ATP10A: variants seen among roughly 807,000 people sequenced by gnomAD.
The protein encoded by ATP10A is phospholipid-transporting ATPase VA.
In ATP10A, 111 loss-of-function variants were observed where a neutral mutation model predicts 147.8. The observed-to-expected ratio is 0.75, with a 90% confidence interval of 0.64 to 0.88. ATP10A has a LOEUF of 0.88. ATP10A is among the 40% of genes least tolerant of loss of function. ATP10A has a pLI of 0.00. For missense variants in ATP10A, 1,927 were observed against 1,959.0 expected, an observed-to-expected ratio of 0.98 and a Z score of 0.31; for synonymous variants, 875 against 841.6, an observed-to-expected ratio of 1.04 and a Z score of -0.69.
chr15:25,761,268 C>T (rs1371427782), intron 2 of ATP10A, among the ~76,000 whole-genome samples: 3 of 152,220 alleles, frequency 2.0e-5, no homozygotes, highest in Non-Finnish European at 4.4e-5. Flanking sequence ...TCCGGGGCCA[C>T]TCTCAGTACC....
At chr15:25,859,676 A>G (rs956374728) in intron 1 of ATP10A, among the ~76,000 whole-genome samples, 1 of 152,044 alleles carries the variant, frequency 6.6e-6, no homozygotes, top group Non-Finnish European at 1.5e-5. Flanking sequence ...ATGGGTTCAG[A>G]AGGAGGAAAC....
At chr15:25,698,231 A>G (rs143885682) in intron 13 of ATP10A, among the ~76,000 whole-genome samples, 1 of 152,356 alleles carries the variant, frequency 6.6e-6, no homozygotes, top group Non-Finnish European at 1.5e-5. Context: ...TATGTATGGC[A>G]TACATGAGAA....
At chr15:25,794,095 G>A (rs1168334883) in intron 1 of ATP10A, among the ~76,000 whole-genome samples, 2 of 152,226 alleles carry the variant, frequency 1.3e-5, no homozygotes, top group Non-Finnish European at 2.9e-5. Context: ...AGGCTTCACT[G>A]ATTATAAGGT....
At chr15:25,747,488 A>C (rs188234709) in intron 2 of ATP10A, among the ~76,000 whole-genome samples, 1 of 151,998 alleles carries the variant, frequency 6.6e-6, no homozygotes, top group East Asian at 1.9e-4. Context: ...AAATAAAAAT[A>C]ACTAATTAAA....
intron 16 of ATP10A, 119 bp from the exon 17 acceptor site, chr15:25,683,605 C>A: frequency 3.1e-6 from 3 of 974,566 alleles, no homozygotes; most frequent in Non-Finnish European, 4.6e-6. Context: ...GTATTGGCAG[C>A]GATTTCTGCC....
intron 2 of ATP10A, among the ~76,000 whole-genome samples, chr15:25,741,322 G>A (rs894168872): frequency 6.6e-6 from 1 of 152,112 alleles, no homozygotes; most frequent in Non-Finnish European, 1.5e-5. Flanking sequence ...CTGGGCTCTT[G>A]GGGACCTAGA....
chr15:25,710,360 C>G (rs1187445292), intron 10 of ATP10A: 2 of 152,504 alleles, frequency 1.3e-5, no homozygotes, highest in Non-Finnish European at 2.9e-5. Context: ...GGGGCAGGAG[C>G]AGGAGGCTAA....
intron 2 of ATP10A, among the ~76,000 whole-genome samples, chr15:25,760,188 C>G (rs1888683372): frequency 2.0e-5 from 3 of 152,108 alleles, no homozygotes; most frequent in African/African-American, 7.2e-5. Flanking sequence ...AGCCCTGGAA[C>G]TTCTAAAAGG....
At chr15:25,833,744 G>T (rs1156596123) in intron 1 of ATP10A, among the ~76,000 whole-genome samples, 2 of 152,222 alleles carry the variant, frequency 1.3e-5, no homozygotes, top group African/African-American at 4.8e-5. Context: ...ACTTTGGGAG[G>T]CTGAGGCGGA....
Position 25,801,780 on chromosome 15 carries a change from A to G in ATP10A, c.450-20557T>C, listed in dbSNP as rs28361391. Among the ~76,000 whole-genome samples, 973 of 152,282 alleles carry G rather than the reference A, an allele frequency of 6.4e-3. 12 individuals carry two copies. Among genetic ancestry groups the G allele is most frequent in the African/African-American group, 0.022 (932 of 41,552 alleles). On this transcript the variant is annotated intron_variant, in intron 1 of 20. Coordinates refer to ENST00000555815, the MANE Select transcript of ATP10A (RefSeq NM_024490.4). Reference sequence around the variant, plus strand: ...ATGGCATCACAGCCCACCTGCTGGAAGGCCCCCGTGCCAGTCTCTGAACCC... The same window carrying G: ...ATGGCATCACAGCCCACCTGCTGGAGGGCCCCCGTGCCAGTCTCTGAACCC...
intron 2 of ATP10A, among the ~76,000 whole-genome samples, chr15:25,780,008 T>C (rs1889828190): frequency 6.6e-6 from 1 of 151,932 alleles, no homozygotes; most frequent in Admixed American, 6.6e-5. Flanking sequence ...GTCAGGCATC[T>C]CCCCCTGTGA....
intron 2 of ATP10A, among the ~76,000 whole-genome samples, chr15:25,754,127 T>C (rs1311782709): frequency 6.6e-6 from 1 of 152,046 alleles, no homozygotes; most frequent in African/African-American, 2.4e-5. Flanking sequence ...TTTGTTTGTT[T>C]GTTTTTGGTT....
At chr15:25,748,866 C>T (rs1307387320) in intron 2 of ATP10A, among the ~76,000 whole-genome samples, 5 of 151,274 alleles carry the variant, frequency 3.3e-5, no homozygotes, top group African/African-American at 1.2e-4. Context: ...AACAGCCTGG[C>T]CAACATGGTG....
intron 12 of ATP10A, among the ~76,000 whole-genome samples, chr15:25,704,050 G>A (rs537295803): frequency 6.0e-4 from 91 of 152,334 alleles, no homozygotes; most frequent in Admixed American, 5.9e-4. Context: ...CCCGGGCACC[G>A]GGAGGGCATC....
downstream of ATP10A, among the ~76,000 whole-genome samples, chr15:25,674,692 T>C (rs1243843529): frequency 6.6e-6 from 1 of 152,242 alleles, no homozygotes; most frequent in East Asian, 1.9e-4. Flanking sequence ...TCATTTAACT[T>C]TGAGATGCAA....
At chr15:25,701,859 A>G in intron 13 of ATP10A, 57 bp downstream of exon 13, 2 of 1,483,960 alleles carry the variant, frequency 1.3e-6, no homozygotes, top group South Asian at 2.7e-5. Flanking sequence ...CAAGGGGGCC[A>G]CGATAAACAT....
intron 1 of ATP10A, among the ~76,000 whole-genome samples, chr15:25,807,824 G>GAA (rs61667599): frequency 4.2e-4 from 63 of 149,144 alleles, no homozygotes; most frequent in African/African-American, 1.1e-3. Context: ...AAAAGAAAAA[G>GAA]AAAAAAAAAA....
Position 25,779,161 on chromosome 15 carries a change from G to A in ATP10A, c.654+1858C>T, listed in dbSNP as rs375936271. Among the ~76,000 whole-genome samples the A allele has an allele frequency of 7.2e-5, 11 of 152,206 alleles. No individual in the cohort carries two copies. In the East Asian group the frequency reaches 7.7e-4, roughly 11 times the overall value. ...CAAAGTGCTGGGATTACAGGCATGC[G>A]CCACCATGCCCAGTAGAGGAAGTTA... On this transcript the variant is annotated intron_variant, in intron 2 of 20. Transcript: ENST00000555815.
Position 25,718,229 on chromosome 15 carries a change from T to G in ATP10A, c.1534A>C (p.Lys512Gln). 1 of 1,613,104 alleles carries G rather than the reference T, an allele frequency of 6.2e-7. No individual in the cohort carries two copies. The highest frequency in any genetic ancestry group is 8.5e-7 in the Non-Finnish European group (1 of 1,179,994). ...TGCTTGGACAGCATGCTGGCCCTCT[T>G]GGCCTCGGCCCGGCTGCCCGTGCGC... The part of the protein sequence containing the change: ...HRRTGSRAEA[K>Q]RASMLSKHTA... The change falls in exon 8 of 21, where the codon AAG (lysine) becomes CAG (glutamine). Residue 512 changes from lysine (K) to glutamine (Q), a missense_variant. By Grantham distance (53) the Lys-to-Gln change is moderately conservative. Transcript: ENST00000555815.
Sources: gnomAD v4.1 joint callset for allele counts (sites outside exome capture counted in the v4.1 genomes callset) on GRCh38, gnomAD v4.1.1 for gene constraint, MANE v1.5 for transcripts, NCBI Gene and HGNC (gene_info 2026-07-23, HGNC 2026-07-21) for gene names.